The following CYP19A1 variants were observed in gnomAD, a reference collection of about 807,000 sequenced individuals.
CYP19A1 encodes the protein aromatase.
A neutral mutation model predicts 44.4 loss-of-function variants in CYP19A1; 32 were observed. That is an observed-to-expected ratio of 0.72 (90% CI 0.54 to 0.97). CYP19A1 has a LOEUF of 0.97. Among genes scored for constraint, CYP19A1 ranks in the 50% least tolerant of loss-of-function variants. CYP19A1 has a pLI of 0.00. For missense variants in CYP19A1, 598 were observed against 637.8 expected, an observed-to-expected ratio of 0.94 and a Z score of 0.67; for synonymous variants, 212 against 215.6, an observed-to-expected ratio of 0.98 and a Z score of 0.14.
chr15:51,233,060 C>T lies in CYP19A1; in HGVS notation c.296+3799G>A, dbSNP rs553713828. On this transcript the variant is annotated intron_variant, in intron 3 of 9. Transcript: ENST00000396402. ...GTTCCTTCTGTCTAGAATGCTTTCC[C>T]GCCAGGTCTCTGCATGGGCTACTTG... 3.2e-4 allele frequency among the ~76,000 whole-genome samples: 49 copies of T among 152,308 alleles called. 2 individuals carry two copies. The South Asian group carries it at 9.1e-3, about 28-fold the overall frequency.
chr15:51,220,621 A>T (rs1172470116), intron 5 of CYP19A1, among the ~76,000 whole-genome samples: 1 of 152,216 alleles, frequency 6.6e-6, no homozygotes, highest in Non-Finnish European at 1.5e-5. Context: ...CATAATGGAT[A>T]TACATATTTA....
intron 1 of CYP19A1, among the ~76,000 whole-genome samples, chr15:51,326,941 T>C (rs2470145): frequency 0.057 from 8,670 of 152,306 alleles, 260 homozygotes; most frequent in Non-Finnish European, 0.064. Flanking sequence ...AGCTTGCCCA[T>C]GACCATACAG....
At chr15:51,316,715 TAA>T (rs112693981) in intron 1 of CYP19A1, among the ~76,000 whole-genome samples, 10 of 140,106 alleles carry the variant, frequency 7.1e-5, no homozygotes, top group Admixed American at 1.4e-4. Flanking sequence ...CTCTGTCTCT[TAA>T]AAAAAAAAAA....
Position 51,222,449 on chromosome 15 carries a change from C to T in CYP19A1, c.528G>A (p.Glu176=), listed in dbSNP as rs2032189438. 3 of 1,614,190 alleles carry T rather than the reference C, an allele frequency of 1.9e-6. No individual in the cohort carries two copies. The South Asian group carries it at 3.3e-5, about 18-fold the overall frequency. The change falls in exon 5 of 10, where the codon GAG becomes GAA. Residue 176 remains glutamate, a synonymous_variant. Transcript: ENST00000396402. ...CATAGCCCGATTCATTGGTCACCTC[C>T]TCCAACCTGTCCAGATGTGTTTTGA... ...ESLKTHLDRL[E]EVTNESGYVD...
chr15:51,320,646 C>T (rs934175290), intron 1 of CYP19A1, among the ~76,000 whole-genome samples: 24 of 152,258 alleles, frequency 1.6e-4, no homozygotes, highest in Admixed American at 1.4e-3. Context: ...TCCTTAACCC[C>T]ACTTCTCAGG....
chr15:51,294,763 T>A (rs1393450192), intron 1 of CYP19A1, among the ~76,000 whole-genome samples: 3 of 149,770 alleles, frequency 2.0e-5, no homozygotes. Flanking sequence ...TCTGCCCGGC[T>A]GCCCCTACTG....
chr15:51,211,096 C>T, intron 9 of CYP19A1, 40 bp from the exon 10 acceptor site: 1 of 1,383,302 alleles, frequency 7.2e-7, no homozygotes, highest in East Asian at 2.3e-5. Flanking sequence ...ATATTAAAGG[C>T]TAGAGTCACT....
intron 1 of CYP19A1, among the ~76,000 whole-genome samples, chr15:51,286,227 G>A (rs2035694859): frequency 6.6e-6 from 1 of 152,146 alleles, no homozygotes; most frequent in Non-Finnish European, 1.5e-5. Flanking sequence ...CCCTGCCACA[G>A]AAAACCTGGC....
chr15:51,304,890 CTTTTTTTTTTT>C (rs545247348), intron 1 of CYP19A1, among the ~76,000 whole-genome samples: 10 of 104,572 alleles, frequency 9.6e-5, no homozygotes, highest in African/African-American at 4.8e-4. Flanking sequence ...GTGTCTCTTC[CTTTTTTTTTTT>C]TTTTTTTTTT....
At chr15:51,218,487 G>A in intron 6 of CYP19A1, 54 bp downstream of exon 6, 1 of 1,566,568 alleles carries the variant, frequency 6.4e-7, no homozygotes, top group East Asian at 2.3e-5. Flanking sequence ...AAGACACAAG[G>A]GAAAAAAACC....
chr15:51,215,684 A>T lies in CYP19A1; in HGVS notation c.858+19T>A, dbSNP rs959847675. 1.2e-6 allele frequency: 2 copies of T among 1,613,948 alleles called. No homozygotes were observed. Among genetic ancestry groups the T allele is most frequent in the Admixed American group, 1.7e-5 (1 of 60,028 alleles). ...ATAACATATGTGGCATGGGAATTAC[A>T]GTTAGTTCAGGTCAGTACCTCTGCT... On this transcript the variant is annotated intron_variant, in intron 7 of 9. Transcript: ENST00000396402.
chr15:51,280,793 T>C (rs1224672718), intron 1 of CYP19A1, among the ~76,000 whole-genome samples: 1 of 152,158 alleles, frequency 6.6e-6, no homozygotes, highest in Non-Finnish European at 1.5e-5. Flanking sequence ...TGTAGTCCAG[T>C]GTCATTTTGG....
rs565826203 is a variant in CYP19A1, at chr15:51,215,781, T to C, written c.780A>G (p.Ala260=). The stretch of plus-strand genomic sequence containing the variant: ...CTGTGGAAATCCTGCGTCTTTTTTC[T>C]GCTATCAGAACTTCTATGGCATCTT... The part of the protein sequence containing the change: ...DLKDAIEVLI[A]EKRRRISTEE... The change falls in exon 7 of 10, where the codon GCA becomes GCG. Residue 260 remains alanine (A), a synonymous_variant. Transcript: ENST00000396402. 9.3e-6 allele frequency: 15 copies of C among 1,613,912 alleles called. No individual in the cohort carries two copies. Among genetic ancestry groups the C allele is most frequent in the Non-Finnish European group, 1.2e-5 (14 of 1,179,984 alleles).
At chr15:51,268,525 C>CG (rs1304454740) in intron 1 of CYP19A1, among the ~76,000 whole-genome samples, 4 of 140,268 alleles carry the variant, frequency 2.9e-5, no homozygotes, top group Non-Finnish European at 6.3e-5. Context: ...TCCTTCCCCC[C>CG]CCCCCTTTTT....
At chr15:51,229,164 G>A (rs1046223702) in intron 3 of CYP19A1, among the ~76,000 whole-genome samples, 14 of 151,990 alleles carry the variant, frequency 9.2e-5, no homozygotes, top group African/African-American at 3.4e-4. Flanking sequence ...TCCTATTTAA[G>A]CTTTAAAAGT....
At chr15:51,335,097 A>G (rs908836198) in intron 1 of CYP19A1, among the ~76,000 whole-genome samples, 1 of 150,124 alleles carries the variant, frequency 6.7e-6, no homozygotes, top group Non-Finnish European at 1.5e-5. Flanking sequence ...TCCAAATTCC[A>G]TCTCAGCACT....
At chr15:51,294,571 G>C (rs1284796575) in intron 1 of CYP19A1, among the ~76,000 whole-genome samples, 1 of 143,940 alleles carries the variant, frequency 6.9e-6, no homozygotes, top group East Asian at 2.0e-4. Context: ...CGCCCCGTCC[G>C]GGAGGGAGGT....
At chr15:51,218,329 C>A in intron 6 of CYP19A1, 1 of 630,210 alleles carries the variant, frequency 1.6e-6, no homozygotes, top group Non-Finnish European at 2.6e-6. Context: ...TGCCGAGAAG[C>A]TGCCCAGCCA....
chr15:51,329,776 C>T (rs1362765993), intron 1 of CYP19A1, among the ~76,000 whole-genome samples: 4 of 152,190 alleles, frequency 2.6e-5, no homozygotes, highest in Admixed American at 2.6e-4. Flanking sequence ...CTACTACATG[C>T]CAGGTATGCA....
Sources: gnomAD v4.1 joint callset for allele counts (sites outside exome capture counted in the v4.1 genomes callset) on GRCh38, gnomAD v4.1.1 for gene constraint, MANE v1.5 for transcripts, NCBI Gene and HGNC (gene_info 2026-07-23, HGNC 2026-07-21) for gene names.